The following ZBBX variants were observed in gnomAD, a reference collection of about 807,000 sequenced individuals.
ZBBX encodes zinc finger B-box domain-containing protein 1.
A neutral mutation model predicts 108.5 loss-of-function variants in ZBBX; 101 were observed. That is an observed-to-expected ratio of 0.93 (90% confidence interval 0.79 to 1.10). The LOEUF (loss-of-function observed/expected upper bound fraction) is 1.10. ZBBX is among the 50% of genes least tolerant of loss of function. ZBBX has a pLI of 0.00. For synonymous variants in ZBBX, 356 were observed against 323.4 expected (o/e 1.10, Z -1.08); for missense variants, 1,009 against 941.4 (o/e 1.07, Z -0.94).
At chr3:167,182,296 C>G in the ZBBX span, among the ~76,000 whole-genome samples, 1 of 152,078 alleles carries the variant, frequency 6.6e-6, no homozygotes, top group Non-Finnish European at 1.5e-5. Flanking sequence ...CAACTAAATG[C>G]ACTTTCCCCC....
At chr3:167,273,947 T>G (rs572728640) in intron 20 of ZBBX, among the ~76,000 whole-genome samples, 1 of 152,324 alleles carries the variant, frequency 6.6e-6, no homozygotes, top group Non-Finnish European at 1.5e-5. Flanking sequence ...AAATTATATC[T>G]ACTATAATCA....
chr3:167,338,839 CAT>C (rs1284563989), intron 9 of ZBBX, among the ~76,000 whole-genome samples: 2 of 152,172 alleles, frequency 1.3e-5, no homozygotes, highest in East Asian at 3.9e-4. Context: ...ACTCAAGTAA[CAT>C]AAACTTATTG....
At chr3:167,373,216 T>C (rs1269607983) in intron 3 of ZBBX, among the ~76,000 whole-genome samples, 4 of 152,188 alleles carry the variant, frequency 2.6e-5, no homozygotes, top group Non-Finnish European at 5.9e-5. Context: ...GTATTATAAG[T>C]AAGCAAGAGC....
At chr3:167,281,683 G>A (rs888315180) in intron 20 of ZBBX, among the ~76,000 whole-genome samples, 4 of 152,156 alleles carry the variant, frequency 2.6e-5, no homozygotes, top group Admixed American at 6.5e-5. Context: ...AATAAAATGC[G>A]CAAGTATAAT....
At chr3:167,251,925 A>AACACACACACACACACACACACACAC (rs3221849) in intron 20 of ZBBX, among the ~76,000 whole-genome samples, 1 of 143,724 alleles carries the variant, frequency 7.0e-6, no homozygotes, top group African/African-American at 2.6e-5. Flanking sequence ...TTGTGCCTGC[A>AACACACACACACACACACACACACAC]ACACACACAC....
the ZBBX span, among the ~76,000 whole-genome samples, chr3:167,209,666 G>A: frequency 6.6e-6 from 1 of 152,168 alleles, no homozygotes; most frequent in East Asian, 1.9e-4. Context: ...ACTCTTTAAT[G>A]TCCAGACACT....
the ZBBX span, among the ~76,000 whole-genome samples, chr3:167,183,573 A>T: frequency 6.6e-6 from 1 of 152,252 alleles, no homozygotes; most frequent in African/African-American, 2.4e-5. Context: ...CCACATATTT[A>T]TCGACAGGAA....
chr3:167,240,769 GA>G lies in ZBBX; in HGVS notation c.*23del, dbSNP rs1299334713. ...TTTGCTTTACTCTGGGTACAAAATG[GA>G]AACAGTAATGAACAAATAATCTTTA... is the stretch of plus-strand genomic sequence containing the variant. On this transcript the variant is annotated 3_prime_UTR_variant, in exon 22 of 22. Transcript: ENST00000675490. 7.5e-6 allele frequency: 12 copies of G among 1,606,270 alleles called. No individual in the cohort carries two copies. Among genetic ancestry groups the G allele is most frequent in the Non-Finnish European group, 9.4e-6 (11 of 1,176,136 alleles).
intron 19 of ZBBX, among the ~76,000 whole-genome samples, chr3:167,285,859 C>CACTT (rs1729596814): frequency 6.6e-6 from 1 of 152,128 alleles, no homozygotes; most frequent in African/African-American, 2.4e-5. Flanking sequence ...ACTTACTGAG[C>CACTT]ACTTACAATA....
intron 20 of ZBBX, among the ~76,000 whole-genome samples, chr3:167,281,994 A>G (rs1257768260): frequency 2.0e-5 from 3 of 152,232 alleles, no homozygotes; most frequent in South Asian, 2.1e-4. Context: ...TCATTCCACA[A>G]TTTAGCTGTG....
chr3:167,293,661 C>T (rs1242167618), intron 18 of ZBBX, among the ~76,000 whole-genome samples: 1 of 152,202 alleles, frequency 6.6e-6, no homozygotes, highest in African/African-American at 2.4e-5. Flanking sequence ...TCTGTCATCA[C>T]TCCTATTCAA....
intron 20 of ZBBX, among the ~76,000 whole-genome samples, chr3:167,272,798 T>C (rs1260349762): frequency 6.6e-6 from 1 of 152,156 alleles, no homozygotes; most frequent in Admixed American, 6.5e-5. Context: ...TTAACAAATG[T>C]AGGAAAACAA....
At chr3:167,325,743 T>C (rs1737265884) in intron 11 of ZBBX, among the ~76,000 whole-genome samples, 1 of 152,144 alleles carries the variant, frequency 6.6e-6, no homozygotes, top group Non-Finnish European at 1.5e-5. Context: ...AGTAATGTTG[T>C]ATACCTCTAA....
rs574031141 is a variant in ZBBX, at chr3:167,251,092, G to A, written c.2255-8449C>T. ...CCACTGACCAGCAGGCCACTGACCA[G>A]CAGGATGGGGTGGAGTTTGGCCAGA... On this transcript the variant is annotated intron_variant, in intron 20 of 21. Transcript: ENST00000675490. Among the ~76,000 whole-genome samples the A allele has an allele frequency of 2.2e-4, 33 of 152,298 alleles. No individual in the cohort carries two copies. The East Asian group carries it at 4.1e-3, about 19-fold the overall frequency.
chr3:167,193,117 G>A, the ZBBX span, among the ~76,000 whole-genome samples: 4 of 152,050 alleles, frequency 2.6e-5, no homozygotes, highest in Non-Finnish European at 5.9e-5. Flanking sequence ...TTGTTGTCTA[G>A]GTTGGCTCAG....
intron 17 of ZBBX, among the ~76,000 whole-genome samples, chr3:167,305,087 A>T (rs1452127374): frequency 6.6e-6 from 1 of 152,166 alleles, no homozygotes; most frequent in African/African-American, 2.4e-5. Flanking sequence ...TATAGAATGA[A>T]ATTCAAATAT....
At chr3:167,303,799 T>G (rs1733129895) in intron 17 of ZBBX, among the ~76,000 whole-genome samples, 1 of 152,192 alleles carries the variant, frequency 6.6e-6, no homozygotes, top group Non-Finnish European at 1.5e-5. Context: ...TGTTGTCTTT[T>G]ATTGCTTTTA....
the ZBBX span, among the ~76,000 whole-genome samples, chr3:167,197,203 A>G: frequency 6.6e-6 from 1 of 152,206 alleles, no homozygotes; most frequent in Non-Finnish European, 1.5e-5. Flanking sequence ...GAATAGAATT[A>G]TACAAAAATC....
the ZBBX span, among the ~76,000 whole-genome samples, chr3:167,205,785 C>A: frequency 6.6e-6 from 1 of 152,164 alleles, no homozygotes; most frequent in Non-Finnish European, 1.5e-5. Flanking sequence ...AATAACTACA[C>A]TATTACATCT....
Sources: allele counts gnomAD v4.1 joint callset (sites outside exome capture counted in the v4.1 genomes callset), GRCh38; gene constraint gnomAD v4.1.1; transcripts MANE v1.5; gene names NCBI Gene and HGNC (gene_info 2026-07-23, HGNC 2026-07-21).